Variants in CNOT4 observed in about 807,000 individuals in gnomAD.
CNOT4 encodes CCR4-NOT transcription complex subunit 4.
Under a neutral mutation model 73.8 loss-of-function variants are expected in CNOT4, and 8 were observed. That is an observed-to-expected ratio of 0.11 (90% CI 0.06 to 0.20). CNOT4 has a LOEUF of 0.20. CNOT4 is among the 10% of genes least tolerant of loss of function. The pLI, the probability that CNOT4 is intolerant of heterozygous loss-of-function variation, is 1.00. For synonymous variants in CNOT4, 293 were observed against 321.1 expected (o/e 0.91, Z 0.94); for missense variants, 564 against 883.4 (o/e 0.64, Z 4.58).
At chr7:135,507,783 A>G (rs1166738531) in intron 1 of CNOT4, among the ~76,000 whole-genome samples, 1 of 152,152 alleles carries the variant, frequency 6.6e-6, no homozygotes, top group East Asian at 1.9e-4. Flanking sequence ...AACAAAAAGT[A>G]TATTTTTTAG....
At chr7:135,472,018 C>T (rs1352601686) in intron 1 of CNOT4, among the ~76,000 whole-genome samples, 1 of 151,758 alleles carries the variant, frequency 6.6e-6, no homozygotes, top group African/African-American at 2.4e-5. Flanking sequence ...ACTAAAAATA[C>T]AAAAATTAGC....
intron 10 of CNOT4, among the ~76,000 whole-genome samples, chr7:135,378,148 G>A (rs1381286011): frequency 6.6e-6 from 1 of 152,092 alleles, no homozygotes; most frequent in African/African-American, 2.4e-5. Context: ...TGCATTAGTC[G>A]TTCCCCAATC....
intron 1 of CNOT4, among the ~76,000 whole-genome samples, chr7:135,474,245 T>C (rs1253248319): frequency 2.0e-5 from 3 of 149,972 alleles, no homozygotes; most frequent in Non-Finnish European, 4.4e-5. Flanking sequence ...CCCAAAGTGC[T>C]GGGATTACAG....
intron 1 of CNOT4, among the ~76,000 whole-genome samples, chr7:135,467,172 G>C (rs1801273449): frequency 6.6e-6 from 1 of 152,102 alleles, no homozygotes; most frequent in South Asian, 2.1e-4. Flanking sequence ...TGATGATCAT[G>C]ATGATGATGA....
chr7:135,450,251 C>T (rs1297432745), intron 1 of CNOT4, among the ~76,000 whole-genome samples: 1 of 152,142 alleles, frequency 6.6e-6, no homozygotes, highest in Non-Finnish European at 1.5e-5. Context: ...AAGACCTCCA[C>T]TAATGAAACT....
At chr7:135,481,753 T>G (rs1383917696) in intron 1 of CNOT4, among the ~76,000 whole-genome samples, 1 of 152,168 alleles carries the variant, frequency 6.6e-6, no homozygotes, top group African/African-American at 2.4e-5. Context: ...GGATTTGGCA[T>G]TCAAAGAATG....
intron 10 of CNOT4, among the ~76,000 whole-genome samples, chr7:135,376,321 C>CTCT (rs1349034345): frequency 6.6e-6 from 1 of 152,166 alleles, no homozygotes; most frequent in Non-Finnish European, 1.5e-5. Flanking sequence ...ATGACATTCT[C>CTCT]TAACAGCCTC....
At chr7:135,411,322 C>T (rs1467713797) in intron 6 of CNOT4, among the ~76,000 whole-genome samples, 1 of 151,988 alleles carries the variant, frequency 6.6e-6, no homozygotes, top group African/African-American at 2.4e-5. Flanking sequence ...CATTCATTTA[C>T]ATATTGTATT....
At position 135,410,516 on chromosome 7, in the gene CNOT4, T is replaced by C; in HGVS notation, c.820A>G (p.Thr274Ala). 1 of 1,512,420 alleles carries C rather than the reference T, an allele frequency of 6.6e-7. No homozygotes were observed. The highest frequency in any genetic ancestry group is 1.3e-5 in the South Asian group (1 of 75,020). The allele number at this position is 1,512,420 out of a possible 1,614,324, so 93.7% of individuals were successfully genotyped here. A position where few individuals can be genotyped will look rare whatever the true frequency, so the allele number is the denominator to read the frequency against. ...CTGACTATCAATATCAATACTTACGTATCGTACCTCTGCAGTGGTGTCACT... is the reference window on the plus strand; with the variant it reads ...CTGACTATCAATATCAATACTTACGCATCGTACCTCTGCAGTGGTGTCACT... ...NKVTPLQRYD[T>A]PIDKPSDSLS... Residue 274 changes from threonine to alanine, a missense_variant and splice_region_variant, in exon 7 of 12, where the codon ACC (threonine) becomes GCC (alanine). Thr to Ala is a moderately conservative substitution (Grantham distance 58, BLOSUM62 0). This residue lies in a region of CNOT4 where 135 missense variants were observed against 154.0 expected (regional missense o/e 0.88). Coordinates refer to ENST00000541284, the MANE Select transcript of CNOT4 (RefSeq NM_001190850.2).
intron 1 of CNOT4, among the ~76,000 whole-genome samples, chr7:135,488,764 A>C (rs977230760): frequency 3.2e-4 from 48 of 152,090 alleles, no homozygotes; most frequent in African/African-American, 1.2e-3. Context: ...AGAATGTATC[A>C]TTATTAATAG....
intron 10 of CNOT4, among the ~76,000 whole-genome samples, chr7:135,392,888 G>A (rs1796475287): frequency 1.3e-5 from 2 of 152,114 alleles, no homozygotes; most frequent in African/African-American, 4.8e-5. Flanking sequence ...CTAAAAACAA[G>A]AGCGTGAACT....
intron 10 of CNOT4, chr7:135,388,194 GAAAGTGCA>G (rs1261458991): frequency 3.0e-6 from 3 of 985,096 alleles, no homozygotes; most frequent in Admixed American, 1.2e-4. Flanking sequence ...CATTCAAAAA[GAAAGTGCA>G]AAAGTGCAAA....
At chr7:135,405,876 T>A (rs190536873) in intron 7 of CNOT4, among the ~76,000 whole-genome samples, 5 of 152,326 alleles carry the variant, frequency 3.3e-5, no homozygotes, top group Non-Finnish European at 7.4e-5. Flanking sequence ...CCTCAATCTA[T>A]AAGGTTCCAG....
intron 7 of CNOT4, 40 bp downstream of exon 7, chr7:135,410,475 T>A (rs779467634): frequency 1.6e-6 from 2 of 1,282,556 alleles, no homozygotes; most frequent in Non-Finnish European, 2.1e-6. Flanking sequence ...GATCAACTGA[T>A]AAGAAGGTAA....
rs1441913908 is a variant in CNOT4 at position 135,362,412 on chromosome 7, A to C, written c.*473T>G. The C allele has an allele frequency of 1.5e-5, 3 of 204,404 alleles. No homozygotes were observed. The highest frequency in any genetic ancestry group is 7.0e-5 in the African/African-American group (3 of 42,676). 12.7% of individuals were successfully genotyped at this position (204,404 alleles called of 1,614,324 possible). On this transcript the variant is annotated 3_prime_UTR_variant, in exon 12 of 12. Coordinates refer to ENST00000541284, the MANE Select transcript of CNOT4 (RefSeq NM_001190850.2). ...TTTCCCTGCAATAATGATAAGCTGA[A>C]TACAAGATGGATGCTAGGACCACTG...
intron 2 of CNOT4, among the ~76,000 whole-genome samples, chr7:135,434,917 T>A (rs369340346): frequency 7.4e-4 from 113 of 152,342 alleles, no homozygotes; most frequent in Non-Finnish European, 1.2e-3. Context: ...GTTTGTATGG[T>A]GGTTCATGAA....
At chr7:135,457,239 T>C (rs1800594517) in intron 1 of CNOT4, among the ~76,000 whole-genome samples, 1 of 151,876 alleles carries the variant, frequency 6.6e-6, no homozygotes, top group South Asian at 2.1e-4. Flanking sequence ...AGCATACAGT[T>C]GTAAAAGGTC....
At chr7:135,493,666 G>A (rs1050645448) in intron 1 of CNOT4, among the ~76,000 whole-genome samples, 6 of 152,156 alleles carry the variant, frequency 3.9e-5, no homozygotes, top group Admixed American at 3.3e-4. Context: ...AAGGGATAAA[G>A]AACATAATGA....
chr7:135,413,639 A>C lies in CNOT4; in HGVS notation c.562-26T>G, dbSNP rs141269765. 2,952 of 1,601,668 alleles carry C rather than the reference A, an allele frequency of 1.8e-3. 20 individuals carry two copies. The African/African-American group carries it at 0.023, about 12-fold the overall frequency. On this transcript the variant is annotated intron_variant, in intron 5 of 11. Transcript: ENST00000541284. ...CTGCAGGAGGAAGAGGGGTAAAGGA[A>C]AAGAAGACTCAATGTGAACTGACAA...
Sources: gnomAD v4.1 joint callset for allele counts (sites outside exome capture counted in the v4.1 genomes callset) on GRCh38, gnomAD v4.1.1 for gene constraint, gnomAD v4.1.1 regional missense constraint, MANE v1.5 for transcripts, NCBI Gene and HGNC (gene_info 2026-07-23, HGNC 2026-07-21) for gene names.